The following ANKRD13D variants were observed in gnomAD, a reference collection of about 807,000 sequenced individuals.
ANKRD13D encodes ankyrin repeat domain 13D.
In ANKRD13D, 24 loss-of-function variants were observed where a neutral mutation model predicts 68.8. The ratio of observed to expected loss-of-function variants is 0.35; its 90% CI spans 0.25 to 0.49. The LOEUF is 0.49. Among genes scored for constraint, ANKRD13D ranks in the 20% least tolerant of loss-of-function variants. The pLI is 0.99. For synonymous variants in ANKRD13D, 331 were observed against 336.1 expected, an observed-to-expected ratio of 0.98 and a Z score of 0.16; for missense variants, 735 against 832.1, an observed-to-expected ratio of 0.88 and a Z score of 1.44.
chr11:67,292,348 G>C (rs1398709946), intron 6 of ANKRD13D, among the ~76,000 whole-genome samples, 168 bp downstream of exon 6: 1 of 152,230 alleles, frequency 6.6e-6, no homozygotes, highest in Admixed American at 6.5e-5. Context: ...CACTCAGACT[G>C]CCGGGGTGGT....
chr11:67,300,670 C>T lies in ANKRD13D; in HGVS notation c.1074-320C>T. On this transcript the variant is annotated intron_variant, in intron 10 of 14. Coordinates refer to ENST00000511455, the MANE Select transcript of ANKRD13D (RefSeq NM_207354.3). The surrounding 1 kb of genome is among the most constrained non-coding windows in gnomAD (Gnocchi z 4.3). ...GCAACACGTGAGCTGGTGACCAGCT[C>T]TGGGCTGAGGAGGAAAACGGGGCTG... The T allele has an allele frequency of 2.0e-6, 1 of 505,554 alleles. No homozygotes were observed. Among genetic ancestry groups the T allele is most frequent in the Non-Finnish European group, 3.5e-6 (1 of 287,248 alleles). 31.3% of individuals were successfully genotyped at this position (505,554 alleles called of 1,614,324 possible).
chr11:67,292,320 T>A (rs1860593402), intron 6 of ANKRD13D, 140 bp downstream of exon 6: 3 of 1,035,822 alleles, frequency 2.9e-6, no homozygotes, highest in Non-Finnish European at 3.9e-6. Context: ...GGCAGGTGGG[T>A]TGCTGCAGCC....
Position 67,301,387 on chromosome 11 carries a change from TTG to T in ANKRD13D, c.1338_1339del (p.Ala447ArgfsTer16). The T allele has an allele frequency of 6.2e-7, 1 of 1,612,118 alleles. No individual in the cohort carries two copies. ...TGGGTGCCGGCCCCCAGCTCTGCTG[TTG>T]CCGCATCAGGTACCCCAACGGGAGG... On this transcript the variant is annotated frameshift_variant, in exon 12 of 15. Coordinates refer to ENST00000511455, the MANE Select transcript of ANKRD13D (RefSeq NM_207354.3). LOFTEE classifies it high-confidence loss of function. This position sits in a 1 kb window ranked among gnomAD's most constrained non-coding sequence, Gnocchi z 4.5.
At position 67,301,389 on chromosome 11, in the gene ANKRD13D, G is replaced by A. The variant is rs200338165; in HGVS notation, c.1339G>A (p.Ala447Thr). ...GGTGCCGGCCCCCAGCTCTGCTGTT[G>A]CCGCATCAGGTACCCCAACGGGAGG... ...VWVPAPSSAV[A>T]ASGNPFPCEV... The change falls in exon 12 of 15, where the codon GCC (alanine) becomes ACC (threonine). Residue 447 changes from alanine (A) to threonine (T), a missense_variant. Physicochemically the swap from Ala to Thr is moderately conservative, Grantham distance 58 (BLOSUM62 0). Coordinates refer to ENST00000511455, the MANE Select transcript of ANKRD13D (RefSeq NM_207354.3). The surrounding 1 kb of genome is among the most constrained non-coding windows in gnomAD (Gnocchi z 4.5). 68 of 1,610,726 alleles carry A rather than the reference G, an allele frequency of 4.2e-5. No individual in the cohort carries two copies. The highest frequency in any genetic ancestry group is 5.3e-5 in the Non-Finnish European group (62 of 1,178,488).
In ANKRD13D at chr11:67,299,010, A is replaced by T; in HGVS notation, c.732-48A>T. On this transcript the variant is annotated intron_variant, in intron 6 of 14. Coordinates refer to ENST00000511455, the MANE Select transcript of ANKRD13D (RefSeq NM_207354.3). This position sits in a 1 kb window ranked among gnomAD's most constrained non-coding sequence, Gnocchi z 6.2. ...GGCTTTGGAAAGGAAGGCTTTGGCC[A>T]GCGTGTGAGGGTGCAGGTCTCACCA... 6.2e-7 allele frequency: 1 copy of T among 1,603,054 alleles called. No individual in the cohort carries two copies. Among genetic ancestry groups the T allele is most frequent in the East Asian group, 2.2e-5 (1 of 44,832 alleles).
Position 67,301,203 on chromosome 11 carries a change from C to T in ANKRD13D, c.1231+56C>T, listed in dbSNP as rs1860971328. On this transcript the variant is annotated intron_variant, in intron 11 of 14. Transcript: ENST00000511455. This position sits in a 1 kb window ranked among gnomAD's most constrained non-coding sequence, Gnocchi z 4.5. ...CCTCAGGCATGGCACCCTCCCTCAG[C>T]GCAGTCCCTGGAGAGCTGCAGGGGC... 5 of 1,601,104 alleles carry T rather than the reference C, an allele frequency of 3.1e-6. No individual in the cohort carries two copies. The highest frequency in any genetic ancestry group is 1.3e-5 in the African/African-American group (1 of 74,852).
At position 67,300,665 on chromosome 11, in the gene ANKRD13D, CA is replaced by C. The variant is rs1240777697; in HGVS notation, c.1074-324del. ...GTTTGGCAACACGTGAGCTGGTGACCAGCTCTGGGCTGAGGAGGAAAACGGG... is the reference window on the plus strand; with the variant it reads ...GTTTGGCAACACGTGAGCTGGTGACCGCTCTGGGCTGAGGAGGAAAACGGG... On this transcript the variant is annotated intron_variant, in intron 10 of 14. Coordinates refer to ENST00000511455, the MANE Select transcript of ANKRD13D (RefSeq NM_207354.3). This position sits in a 1 kb window ranked among gnomAD's most constrained non-coding sequence, Gnocchi z 4.3. 1 of 469,436 alleles carries C rather than the reference CA, an allele frequency of 2.1e-6. No individual in the cohort carries two copies. Among genetic ancestry groups the C allele is most frequent in the Non-Finnish European group, 3.7e-6 (1 of 267,288 alleles). 29.1% of individuals were successfully genotyped at this position (469,436 alleles called of 1,614,324 possible).
intron 6 of ANKRD13D, among the ~76,000 whole-genome samples, chr11:67,296,491 C>T (rs1159803218): frequency 1.3e-5 from 2 of 152,038 alleles, no homozygotes; most frequent in Admixed American, 6.6e-5. Context: ...GGAATTTGTC[C>T]ATTTCATCTA....
chr11:67,295,499 C>G (rs1860726519), intron 6 of ANKRD13D, among the ~76,000 whole-genome samples: 1 of 151,826 alleles, frequency 6.6e-6, no homozygotes, highest in Middle Eastern at 3.4e-3. Flanking sequence ...CTGAGGCAGC[C>G]AGATCACTTG....
At chr11:67,289,864 T>G in intron 1 of ANKRD13D, 1 of 1,428,912 alleles carries the variant, frequency 7.0e-7, no homozygotes, top group East Asian at 2.5e-5. Flanking sequence ...CAGCTCTGCC[T>G]GACCAGGCCC....
Position 67,299,424 on chromosome 11 carries a change from G to T in ANKRD13D, c.799-106G>T. 1 of 991,532 alleles carries T rather than the reference G, an allele frequency of 1.0e-6. No homozygotes were observed. The highest frequency in any genetic ancestry group is 1.5e-6 in the Non-Finnish European group (1 of 665,510). 61.4% of individuals were successfully genotyped at this position (991,532 alleles called of 1,614,324 possible). ...CCACCTCCTCCATTTTGGGGAGCAA[G>T]ATCTCATCTGTCTCTGGGACAGGAG... On this transcript the variant is annotated intron_variant, in intron 7 of 14. Coordinates refer to ENST00000511455, the MANE Select transcript of ANKRD13D (RefSeq NM_207354.3). The surrounding 1 kb of genome is among the most constrained non-coding windows in gnomAD (Gnocchi z 6.2).
Position 67,302,299 on chromosome 11 carries a change from GC to G in ANKRD13D, c.1786del (p.Arg596GlyfsTer13). On this transcript the variant is annotated frameshift_variant, in exon 15 of 15. Coordinates refer to ENST00000511455, the MANE Select transcript of ANKRD13D (RefSeq NM_207354.3). LOFTEE classifies it high-confidence loss of function. ...GGCAGCAGGAGGAGGAGGACTTACA[GC>G]GGATCCTGCAGCTGTCACTCACTGA... Reference protein sequence around the residue: ...RGQQEEEDLQRILQLSLTEH With the variant: ...RGQQEEEDLQXILQLSLTEH 1 of 1,553,670 alleles carries G rather than the reference GC, an allele frequency of 6.4e-7. No homozygotes were observed. Among genetic ancestry groups the G allele is most frequent in the Non-Finnish European group, 8.7e-7 (1 of 1,146,926 alleles).
At chr11:67,289,758 G>C (rs1590861922) in intron 1 of ANKRD13D, 5 of 1,412,954 alleles carry the variant, frequency 3.5e-6, no homozygotes, top group Non-Finnish European at 4.6e-6. Flanking sequence ...GCCTTGCCCT[G>C]CTCGCCCGAA....
intron 4 of ANKRD13D, 33 bp downstream of exon 4, chr11:67,291,554 G>C: frequency 6.2e-7 from 1 of 1,613,786 alleles, no homozygotes; most frequent in Non-Finnish European, 8.5e-7. Context: ...CCAGGGATTT[G>C]GGGTGGGGCC....
At chr11:67,296,760 A>G (rs989192846) in intron 6 of ANKRD13D, among the ~76,000 whole-genome samples, 1 of 152,056 alleles carries the variant, frequency 6.6e-6, no homozygotes, top group African/African-American at 2.4e-5. Flanking sequence ...AGTAGCTGGG[A>G]CTGCAGGCAT....
rs1197815735 is a variant in ANKRD13D, at chr11:67,290,144, C to G, written c.157C>G (p.Leu53Val). ...PLELAVSLGN[L>V]ESVRVLLRHN... ...GGAGCTGGCCGTGTCTCTGGGAAAC[C>G]TGGAGTCTGTGAGAGTGCTCCTTCG... The change falls in exon 2 of 15, where the codon CTG becomes GTG. Residue 53 changes from leucine to valine, a missense_variant. Transcript: ENST00000511455. 3.3e-6 allele frequency: 5 copies of G among 1,537,062 alleles called. No individual in the cohort carries two copies. Among genetic ancestry groups the G allele is most frequent in the African/African-American group, 1.4e-5 (1 of 73,058 alleles).
Position 67,302,268 on chromosome 11 carries a change from G to C in ANKRD13D, c.1754G>C (p.Arg585Pro), listed in dbSNP as rs778090483. The C allele has an allele frequency of 1.9e-6, 3 of 1,569,024 alleles. No homozygotes were observed. The highest frequency in any genetic ancestry group is 1.9e-5 in the Admixed American group (1 of 53,610). The part of the protein sequence containing the change: ...LSSREQEERE[R>P]RGQQEEEDLQ... The stretch of plus-strand genomic sequence containing the variant: ...TCACGGGAGCAGGAGGAGCGGGAGC[G>C]GCGCGGGCAGCAGGAGGAGGAGGAC... Residue 585 changes from arginine to proline, a missense_variant, in exon 15 of 15, where the codon CGG (arginine) becomes CCG (proline). Coordinates refer to ENST00000511455, the MANE Select transcript of ANKRD13D (RefSeq NM_207354.3).
rs922922198 is a variant in ANKRD13D at position 67,299,115 on chromosome 11, C to T, written c.789C>T (p.Tyr263=). ...AGAAGATGGAAACTGTTAGCGGCTA[C>T]GAGGCCAAGGCAGGAGAGGCTAGGG... ...RSEKMETVSG[Y]EAKVYSATNV... Residue 263 remains tyrosine, a synonymous_variant, in exon 7 of 15, where the codon TAC becomes TAT. Transcript: ENST00000511455. The surrounding 1 kb of genome is among the most constrained non-coding windows in gnomAD (Gnocchi z 6.2). 1.0e-5 allele frequency: 16 copies of T among 1,569,980 alleles called. No individual in the cohort carries two copies. The highest frequency in any genetic ancestry group is 1.3e-5 in the Non-Finnish European group (15 of 1,143,180).
At position 67,301,410 on chromosome 11, in the gene ANKRD13D, G is replaced by T. The variant is rs375491790; in HGVS notation, c.1348+12G>T. 47 of 1,608,554 alleles carry T rather than the reference G, an allele frequency of 2.9e-5. No individual in the cohort carries two copies. Among genetic ancestry groups the T allele is most frequent in the Non-Finnish European group, 3.7e-5 (44 of 1,177,300 alleles). ...TGTTGCCGCATCAGGTACCCCAACGGGAGGAAGAGGGAGCCTGCACAGCTT... is the reference window on the plus strand; with the variant it reads ...TGTTGCCGCATCAGGTACCCCAACGTGAGGAAGAGGGAGCCTGCACAGCTT... On this transcript the variant is annotated intron_variant, in intron 12 of 14. Transcript: ENST00000511455. The surrounding 1 kb of genome is among the most constrained non-coding windows in gnomAD (Gnocchi z 4.5).
Sources: allele counts gnomAD v4.1 joint callset (sites outside exome capture counted in the v4.1 genomes callset), GRCh38; gene constraint gnomAD v4.1.1; non-coding constraint Gnocchi (gnomAD v3.1); transcripts MANE v1.5; gene names NCBI Gene and HGNC (gene_info 2026-07-23, HGNC 2026-07-21).